The following MARCHF10 variants were observed in gnomAD, a reference collection of about 807,000 sequenced individuals.
MARCHF10 encodes the protein probable E3 ubiquitin-protein ligase MARCHF10.
Under a neutral mutation model 76.2 loss-of-function variants are expected in MARCHF10, and 64 were observed. The observed-to-expected ratio is 0.84, with a 90% confidence interval of 0.69 to 1.03. The LOEUF is 1.03. Ranked by LOEUF, MARCHF10 falls within the 50% of genes least tolerant of loss-of-function variation. The pLI, the probability that MARCHF10 is intolerant of heterozygous loss-of-function variation, is 0.00. For synonymous variants in MARCHF10, 340 were observed against 357.5 expected (o/e 0.95, Z 0.55); for missense variants, 875 against 958.0 (o/e 0.91, Z 1.14).
intron 2 of MARCHF10, among the ~76,000 whole-genome samples, chr17:62,792,103 T>TTCCCTCC (rs1468853665): frequency 6.6e-6 from 1 of 152,084 alleles, no homozygotes; most frequent in Non-Finnish European, 1.5e-5. Context: ...GGCTTCTTCC[T>TTCCCTCC]TCCCTCCTCC....
intron 7 of MARCHF10, among the ~76,000 whole-genome samples, chr17:62,724,591 C>A (rs1378466777): frequency 6.6e-6 from 1 of 152,174 alleles, no homozygotes; most frequent in African/African-American, 2.4e-5. Context: ...TGAGCTTCCA[C>A]CGCTGACCCA....
intron 4 of MARCHF10, among the ~76,000 whole-genome samples, chr17:62,752,026 GA>G (rs772541806): frequency 0.25 from 33,052 of 132,380 alleles, 4,650 homozygotes; most frequent in Non-Finnish European, 0.34. Context: ...TCTCAAAAAA[GA>G]AAAAAAAAAA....
rs1425775032 is a variant in MARCHF10 at position 62,808,099 on chromosome 17, C to G, written c.-40G>C. 1.5e-5 allele frequency: 2 copies of G among 129,296 alleles called. No individual in the cohort carries two copies. Among genetic ancestry groups the G allele is most frequent in the African/African-American group, 5.8e-5 (2 of 34,766 alleles). 8.0% of individuals were successfully genotyped at this position (129,296 alleles called of 1,614,324 possible). A position where few individuals can be genotyped will look rare whatever the true frequency, so the allele number is the denominator to read the frequency against. ...TACCTGTGGGTCTGCCCTTCCTCCC[C>G]TGCCGGGGCTACAGGGGTCGAGGGG... On this transcript the variant is annotated 5_prime_UTR_variant, in exon 1 of 11. Transcript: ENST00000311269.
chr17:62,785,134 G>A (rs1337454004), intron 3 of MARCHF10, among the ~76,000 whole-genome samples: 1 of 152,050 alleles, frequency 6.6e-6, no homozygotes, highest in Non-Finnish European at 1.5e-5. Context: ...TATACCACAA[G>A]GCTACGGTAA....
At position 62,711,228 on chromosome 17, in the gene MARCHF10, T is replaced by C; in HGVS notation, c.2328+3A>G. ...GACAGCTCTGGGTCACAGCCAGACT[T>C]ACCCTCTCTCTTTCCACCTGGTTGT... On this transcript the variant is annotated splice_donor_region_variant and intron_variant, in intron 9 of 10. Coordinates refer to ENST00000311269, the MANE Select transcript of MARCHF10 (RefSeq NM_152598.4). This position sits in a 1 kb window ranked among gnomAD's most constrained non-coding sequence, Gnocchi z 4.4. The C allele has an allele frequency of 6.2e-7, 1 of 1,613,554 alleles. No homozygotes were observed.
chr17:62,801,536 T>G (rs1598087265), intron 2 of MARCHF10, 110 bp downstream of exon 2: 1 of 798,944 alleles, frequency 1.3e-6, no homozygotes, highest in South Asian at 1.4e-5. Context: ...AATCGGTGGG[T>G]TTGGATTTTA....
In MARCHF10 at chr17:62,744,527, T is replaced by C; in HGVS notation, c.384A>G (p.Ala128=). ...TTAATAAAACCATTGGTGCTTGGTCTGCTGAAAGATGCAAAGTCTTTTCAA... is the reference window on the plus strand; with the variant it reads ...TTAATAAAACCATTGGTGCTTGGTCCGCTGAAAGATGCAAAGTCTTTTCAA... ...EKVDPSEPSP[A]DQAPMVLLRK... is the part of the protein sequence containing the mutation. Residue 128 remains alanine (A), a splice_region_variant and synonymous_variant, in exon 5 of 11, where the codon GCA becomes GCG. Transcript: ENST00000311269. 1 of 1,612,170 alleles carries C rather than the reference T, an allele frequency of 6.2e-7. No individual in the cohort carries two copies. The highest frequency in any genetic ancestry group is 8.5e-7 in the Non-Finnish European group (1 of 1,179,628).
chr17:62,724,976 T>C lies in MARCHF10; in HGVS notation c.2066A>G (p.Glu689Gly), dbSNP rs201329810. 4 of 1,612,388 alleles carry C rather than the reference T, an allele frequency of 2.5e-6. No homozygotes were observed. The Admixed American group carries it at 6.7e-5, about 27-fold the overall frequency. The change falls in exon 7 of 11, where the codon GAG (glutamate) becomes GGG (glycine). Residue 689 changes from glutamate to glycine, a missense_variant. By Grantham distance (98) the Glu-to-Gly change is moderately conservative. Coordinates refer to ENST00000311269, the MANE Select transcript of MARCHF10 (RefSeq NM_152598.4). The stretch of plus-strand genomic sequence containing the variant: ...CACTTTCAGCCACTTTTTCAGGCAC[T>C]CTTGATGAACAAACTGCAGGCTTCC... Reference protein sequence around the residue: ...CVGSLQFVHQECLKKWLKVKI... With the variant: ...CVGSLQFVHQGCLKKWLKVKI...
chr17:62,739,905 A>G (rs1178170182), intron 5 of MARCHF10, among the ~76,000 whole-genome samples: 2 of 152,166 alleles, frequency 1.3e-5, no homozygotes, highest in Non-Finnish European at 2.9e-5. Flanking sequence ...GTTGCCACAG[A>G]GTGATGCTGG....
intron 8 of MARCHF10, among the ~76,000 whole-genome samples, chr17:62,719,548 T>C (rs2090382219): frequency 6.6e-6 from 1 of 152,198 alleles, no homozygotes; most frequent in Non-Finnish European, 1.5e-5. Context: ...CCCTTTGGCC[T>C]CTTACAGGAT....
intron 3 of MARCHF10, among the ~76,000 whole-genome samples, chr17:62,766,729 C>T (rs567572296): frequency 1.9e-4 from 29 of 152,142 alleles, no homozygotes; most frequent in Non-Finnish European, 3.1e-4. Flanking sequence ...GCTTCCTATT[C>T]GGAATAACAG....
chr17:62,792,621 C>T (rs899004622), intron 2 of MARCHF10, among the ~76,000 whole-genome samples: 6 of 147,420 alleles, frequency 4.1e-5, no homozygotes, highest in African/African-American at 1.5e-4. Context: ...ACCACCAACG[C>T]CTCCATCACC....
intron 10 of MARCHF10, chr17:62,703,482 C>G (rs1324818806): frequency 6.6e-6 from 1 of 152,408 alleles, no homozygotes; most frequent in East Asian, 1.9e-4. Context: ...GCCAAGGCTG[C>G]GACTGGTCAG....
intron 1 of MARCHF10, among the ~76,000 whole-genome samples, chr17:62,807,404 G>T (rs1006373583): frequency 3.3e-5 from 5 of 152,014 alleles, no homozygotes; most frequent in African/African-American, 1.2e-4. Context: ...TGTGTTTGGC[G>T]GTGACTCTTC....
intron 8 of MARCHF10, among the ~76,000 whole-genome samples, chr17:62,719,178 C>A (rs879923140): frequency 6.6e-5 from 10 of 152,114 alleles, no homozygotes; most frequent in Non-Finnish European, 4.4e-5. Context: ...GAGATACAAA[C>A]ACAAATCACA....
intron 3 of MARCHF10, among the ~76,000 whole-genome samples, chr17:62,771,927 A>C (rs2092456187): frequency 6.6e-6 from 1 of 152,178 alleles, no homozygotes; most frequent in Non-Finnish European, 1.5e-5. Flanking sequence ...ATCTGGGAGC[A>C]GGAGTGTGAG....
intron 3 of MARCHF10, among the ~76,000 whole-genome samples, chr17:62,761,345 C>T (rs1469774713): frequency 6.6e-6 from 1 of 152,182 alleles, no homozygotes; most frequent in Non-Finnish European, 1.5e-5. Context: ...CTTTCCTTTT[C>T]GATTTTGCTA....
chr17:62,767,805 T>C, intron 3 of MARCHF10, among the ~76,000 whole-genome samples: 1 of 152,160 alleles, frequency 6.6e-6, no homozygotes, highest in East Asian at 1.9e-4. Context: ...ACTACCTTTC[T>C]AGCAAAATCC....
chr17:62,775,021 T>C (rs2092521896), intron 3 of MARCHF10, among the ~76,000 whole-genome samples: 1 of 151,402 alleles, frequency 6.6e-6, no homozygotes, highest in Admixed American at 6.6e-5. Context: ...GCCACTGCAC[T>C]CTAGCCTGGG....
Sources: allele counts gnomAD v4.1 joint callset (sites outside exome capture counted in the v4.1 genomes callset), GRCh38; gene constraint gnomAD v4.1.1; non-coding constraint Gnocchi (gnomAD v3.1); transcripts MANE v1.5; gene names NCBI Gene and HGNC (gene_info 2026-07-23, HGNC 2026-07-21).